The following ANO1 variants were observed in gnomAD, a reference collection of about 807,000 sequenced individuals.
ANO1 encodes the protein anoctamin-1.
Under a neutral mutation model 124.0 loss-of-function variants are expected in ANO1, and 59 were observed. That is an observed-to-expected ratio of 0.48 (90% CI 0.39 to 0.59). The LOEUF is 0.59. Ranked by LOEUF, ANO1 falls within the 20% of genes least tolerant of loss-of-function variation. The pLI is 0.00. For missense variants in ANO1, 1,059 were observed against 1,328.0 expected, an observed-to-expected ratio of 0.80 and a Z score of 3.15; for synonymous variants, 529 against 532.0, an observed-to-expected ratio of 0.99 and a Z score of 0.08.
intron 1 of ANO1, among the ~76,000 whole-genome samples, chr11:69,991,428 G>T (rs1856152524): frequency 6.6e-6 from 1 of 152,160 alleles, no homozygotes; most frequent in Admixed American, 6.5e-5. Flanking sequence ...GACAGCAGGG[G>T]TAGGAATGAC....
chr11:70,159,063 G>C (rs1319854032), intron 16 of ANO1, among the ~76,000 whole-genome samples: 1 of 152,216 alleles, frequency 6.6e-6, no homozygotes, highest in Non-Finnish European at 1.5e-5. Context: ...CCAGTGCGGG[G>C]CCGGGAAGGA....
intron 19 of ANO1, chr11:70,163,594 GTT>G (rs1263811450): frequency 5.0e-6 from 3 of 601,386 alleles, no homozygotes; most frequent in Non-Finnish European, 8.8e-6. Flanking sequence ...ACAACATCTG[GTT>G]TTCTTTTCTT....
chr11:70,132,628 CACT>C (rs1279235374), intron 11 of ANO1, among the ~76,000 whole-genome samples: 1 of 152,252 alleles, frequency 6.6e-6, no homozygotes, highest in Non-Finnish European at 1.5e-5. Flanking sequence ...AAACCTAAGG[CACT>C]GGCCTCCTCC....
At chr11:70,177,578 C>CTTTTCTTTTTTT (rs2048756064) in intron 22 of ANO1, among the ~76,000 whole-genome samples, 1 of 131,754 alleles carries the variant, frequency 7.6e-6, no homozygotes, top group African/African-American at 2.8e-5. Flanking sequence ...CTCGATTTTT[C>CTTTTCTTTTTTT]TTTTCTTTTT....
intron 6 of ANO1, among the ~76,000 whole-genome samples, chr11:70,109,943 C>T (rs1489853614): frequency 6.6e-6 from 1 of 152,098 alleles, no homozygotes; most frequent in Non-Finnish European, 1.5e-5. Flanking sequence ...GAGAGTCGAC[C>T]CACCTCTAAA....
At chr11:70,114,789 C>T (rs2045914241) in intron 7 of ANO1, among the ~76,000 whole-genome samples, 3 of 152,096 alleles carry the variant, frequency 2.0e-5, no homozygotes, top group Non-Finnish European at 4.4e-5. Context: ...ATCCCAGCTA[C>T]TAGGGAGGCT....
At chr11:70,106,811 A>G (rs2045567232) in intron 5 of ANO1, among the ~76,000 whole-genome samples, 1 of 152,166 alleles carries the variant, frequency 6.6e-6, no homozygotes, top group South Asian at 2.1e-4. Flanking sequence ...CACACCATTC[A>G]ATCTGTCCTG....
At chr11:70,169,797 G>A (rs538222508) in intron 21 of ANO1, among the ~76,000 whole-genome samples, 3 of 152,158 alleles carry the variant, frequency 2.0e-5, no homozygotes, top group South Asian at 2.1e-4. Flanking sequence ...CACCCCGCAC[G>A]GCCCACCCCA....
At chr11:70,113,949 C>T (rs555782835) in intron 7 of ANO1, among the ~76,000 whole-genome samples, 2 of 152,270 alleles carry the variant, frequency 1.3e-5, no homozygotes, top group South Asian at 2.1e-4. Flanking sequence ...CACCTCATCC[C>T]GTCATGGAGG....
Position 70,131,901 on chromosome 11 carries a change from C to T in ANO1, c.1098-18C>T, listed in dbSNP as rs1164839921. On this transcript the variant is annotated intron_variant, in intron 10 of 25. Transcript: ENST00000355303. The stretch of plus-strand genomic sequence containing the variant: ...ATGGCCCAACAAGGTGACTCCAGGG[C>T]TGCCCCCTCTCTTGCAGCATGGAGA... The T allele has an allele frequency of 3.8e-6, 6 of 1,598,224 alleles. No homozygotes were observed. Among genetic ancestry groups the T allele is most frequent in the Middle Eastern group, 1.7e-4 (1 of 6,052 alleles).
At position 70,044,269 on chromosome 11, in the gene ANO1, G is replaced by A. The variant is rs185200757; in HGVS notation, c.59-34273G>A. ...CATTTAATACAAAAAAAGCACACAT[G>A]TGCTGTATATATATTATATATCAAA... is the stretch of plus-strand genomic sequence containing the variant. On this transcript the variant is annotated intron_variant, in intron 1 of 27. Coordinates refer to the ANO1 transcript ENST00000531349. Among the ~76,000 whole-genome samples the A allele has an allele frequency of 6.8e-4, 103 of 152,162 alleles. 1 individual carries two copies. The highest frequency in any genetic ancestry group is 3.4e-3 in the Middle Eastern group (1 of 294).
intron 1 of ANO1, among the ~76,000 whole-genome samples, chr11:69,990,694 G>A (rs2120298292): frequency 6.6e-6 from 1 of 151,618 alleles, no homozygotes; most frequent in Non-Finnish European, 1.5e-5. Context: ...TGGGTGCGAA[G>A]TGGTATATCA....
chr11:70,066,995 A>G lies in ANO1; in HGVS notation c.59-11547A>G, dbSNP rs139359793. Among the ~76,000 whole-genome samples, 757 of 152,352 alleles carry G rather than the reference A, an allele frequency of 5.0e-3. 2 individuals are homozygous for G. The highest frequency in any genetic ancestry group is 0.017 in the African/African-American group (703 of 41,578). On this transcript the variant is annotated intron_variant, in intron 1 of 27. Transcript: ENST00000531349. ...GGAGGCCAGTCTGTCCGGGGTGTCCAGGGATCATGACCGGCACTGCTGTTT... is the reference window on the plus strand; with the variant it reads ...GGAGGCCAGTCTGTCCGGGGTGTCCGGGGATCATGACCGGCACTGCTGTTT...
chr11:70,096,634 G>A (rs934398993), intron 2 of ANO1, among the ~76,000 whole-genome samples: 2 of 152,174 alleles, frequency 1.3e-5, no homozygotes, highest in Admixed American at 6.5e-5. Flanking sequence ...GCTGAGGTGG[G>A]AGGATCACCT....
At chr11:70,085,779 T>G in intron 1 of ANO1, 1 of 1,304,538 alleles carries the variant, frequency 7.7e-7, no homozygotes, top group East Asian at 2.6e-5. Flanking sequence ...TCTCCCCCAC[T>G]GCAGTGCTGA....
At chr11:70,166,557 G>A (rs34218719) in intron 20 of ANO1, among the ~76,000 whole-genome samples, 16,313 of 152,132 alleles carry the variant, frequency 0.11, 970 homozygotes, top group Middle Eastern at 0.18. Context: ...CACCTCCCCA[G>A]TGGCTGCTGG....
chr11:70,131,343 G>A (rs1031260285), intron 10 of ANO1, among the ~76,000 whole-genome samples: 1 of 151,660 alleles, frequency 6.6e-6, no homozygotes, highest in African/African-American at 2.4e-5. Context: ...GCGCGTCTGT[G>A]TTGAGATGGA....
chr11:70,051,344 C>A (rs1555006254), intron 1 of ANO1, among the ~76,000 whole-genome samples: 2 of 152,186 alleles, frequency 1.3e-5, no homozygotes, highest in Non-Finnish European at 2.9e-5. Flanking sequence ...TATAAACACA[C>A]CACAGTTTTC....
intron 1 of ANO1, among the ~76,000 whole-genome samples, chr11:69,990,923 A>G (rs1554997393): frequency 6.6e-6 from 1 of 152,174 alleles, no homozygotes; most frequent in African/African-American, 2.4e-5. Context: ...TTGTCTTTTC[A>G]CTTTCTCCAT....
Sources: gnomAD v4.1 joint callset for allele counts (sites outside exome capture counted in the v4.1 genomes callset) on GRCh38, gnomAD v4.1.1 for gene constraint, MANE v1.5 for transcripts, NCBI Gene and HGNC (gene_info 2026-07-23, HGNC 2026-07-21) for gene names.